Variants in SIL1 observed in about 807,000 individuals in gnomAD.
The protein encoded by SIL1 is SIL1 nucleotide exchange factor, also known as nucleotide exchange factor SIL1.
A neutral mutation model predicts 49.1 loss-of-function variants in SIL1; 40 were observed. That is an observed-to-expected ratio of 0.81 (90% CI 0.63 to 1.06). The LOEUF (loss-of-function observed/expected upper bound fraction) is 1.06, where lower values mean the gene tolerates loss of function less well. Ranked by LOEUF, SIL1 falls within the 50% of genes least tolerant of loss-of-function variation. The pLI is 0.00. For synonymous variants in SIL1, 253 were observed against 250.8 expected (o/e 1.01, Z -0.08); for missense variants, 500 against 572.6 (o/e 0.87, Z 1.29).
At chr5:139,066,673 G>A (rs545639521) in intron 3 of SIL1, among the ~76,000 whole-genome samples, 2 of 152,154 alleles carry the variant, frequency 1.3e-5, no homozygotes, top group Non-Finnish European at 2.9e-5. Context: ...AATTAAAAGT[G>A]AGACATGGCC....
chr5:138,960,493 G>T (rs111368115), intron 7 of SIL1, among the ~76,000 whole-genome samples: 116 of 143,146 alleles, frequency 8.1e-4, no homozygotes, highest in African/African-American at 3.0e-3. Flanking sequence ...CGCAATCTAA[G>T]CTCACTGCAA....
chr5:139,028,281 C>T (rs1036984494), intron 5 of SIL1, among the ~76,000 whole-genome samples: 3 of 151,918 alleles, frequency 2.0e-5, no homozygotes, highest in African/African-American at 7.3e-5. Flanking sequence ...AGGCAGATCA[C>T]GAGGTCAGGA....
Position 139,168,052 on chromosome 5 carries a change from A to T in SIL1, c.-11+30217T>A, listed in dbSNP as rs573294470. Among the ~76,000 whole-genome samples the T allele has an allele frequency of 1.4e-4, 22 of 152,332 alleles. No individual in the cohort carries two copies. In the South Asian group the frequency reaches 3.7e-3, roughly 26 times the overall value. Reference sequence around the variant, plus strand: ...ATGTTTAGAAATGTTTAGGTACATAAATGCTTACCATTGTGTTACAATTGT... The same window carrying T: ...ATGTTTAGAAATGTTTAGGTACATATATGCTTACCATTGTGTTACAATTGT... On this transcript the variant is annotated intron_variant, in intron 1 of 9. Transcript: ENST00000394817.
chr5:139,173,790 CAA>C (rs70982756), intron 1 of SIL1, among the ~76,000 whole-genome samples: 4,473 of 106,338 alleles, frequency 0.042, 136 homozygotes, highest in African/African-American at 0.096. Flanking sequence ...ACTAAAAATA[CAA>C]AAAAAAAAAA....
rs139307919 is a variant in SIL1 at position 138,986,663 on chromosome 5, C to A, written c.767+34508G>T. On this transcript the variant is annotated intron_variant, in intron 7 of 9. Coordinates refer to ENST00000394817, the MANE Select transcript of SIL1 (RefSeq NM_022464.5). ...ATTCAATTAATCATAAAGCCAATTC[C>A]ATTCTAGGCTCCATCTGTCTTGCCT... Among the ~76,000 whole-genome samples the A allele has an allele frequency of 1.7e-4, 26 of 152,282 alleles. No individual in the cohort carries two copies. In the East Asian group the frequency reaches 4.4e-3, roughly 26 times the overall value.
chr5:138,968,127 T>A (rs1767187659), intron 7 of SIL1, among the ~76,000 whole-genome samples: 1 of 151,794 alleles, frequency 6.6e-6, no homozygotes, highest in African/African-American at 2.4e-5. Flanking sequence ...GGGCTGGAGG[T>A]GGGGCAGGTG....
intron 3 of SIL1, among the ~76,000 whole-genome samples, chr5:139,117,671 T>C (rs1346511420): frequency 2.6e-5 from 4 of 152,144 alleles, no homozygotes; most frequent in Non-Finnish European, 5.9e-5. Flanking sequence ...CTCAAATGCT[T>C]GCTGTGCCTC....
chr5:139,141,642 G>A (rs910951857), intron 1 of SIL1, among the ~76,000 whole-genome samples: 11 of 152,118 alleles, frequency 7.2e-5, no homozygotes, highest in Admixed American at 2.6e-4. Context: ...GGGCAATAGC[G>A]AGACCCCTAT....
intron 7 of SIL1, among the ~76,000 whole-genome samples, chr5:139,018,457 C>T (rs1305475411): frequency 1.3e-5 from 2 of 151,594 alleles, no homozygotes; most frequent in Non-Finnish European, 2.9e-5. Flanking sequence ...AGATGTGGTG[C>T]CGCGTACCTG....
At chr5:138,961,547 T>C (rs1401077487) in intron 7 of SIL1, among the ~76,000 whole-genome samples, 1 of 152,034 alleles carries the variant, frequency 6.6e-6, no homozygotes. Context: ...CTCTCAACAG[T>C]AGCTGCACAG....
At chr5:139,132,114 C>A (rs913562916) in intron 1 of SIL1, among the ~76,000 whole-genome samples, 6 of 152,172 alleles carry the variant, frequency 3.9e-5, no homozygotes, top group Non-Finnish European at 8.8e-5. Context: ...AGCTAGGGAT[C>A]AACAACGAAA....
chr5:139,084,839 C>T (rs1385233860), intron 3 of SIL1, among the ~76,000 whole-genome samples: 1 of 152,130 alleles, frequency 6.6e-6, no homozygotes, highest in Non-Finnish European at 1.5e-5. Context: ...GGAATATATT[C>T]TCACACTGTA....
intron 1 of SIL1, among the ~76,000 whole-genome samples, chr5:139,163,597 T>C (rs914854896): frequency 1.3e-5 from 2 of 152,092 alleles, no homozygotes; most frequent in African/African-American, 4.8e-5. Flanking sequence ...GTTGAACTCC[T>C]GGGCTCAAGT....
chr5:138,978,957 T>C (rs571942034), intron 7 of SIL1, among the ~76,000 whole-genome samples: 1 of 152,332 alleles, frequency 6.6e-6, no homozygotes, highest in South Asian at 2.1e-4. Context: ...AGATAAAAAG[T>C]CCCTTACCAG....
At chr5:139,098,669 G>A (rs1770520710) in intron 3 of SIL1, among the ~76,000 whole-genome samples, 2 of 151,954 alleles carry the variant, frequency 1.3e-5, no homozygotes, top group Admixed American at 1.3e-4. Flanking sequence ...CCACAGAATT[G>A]GAGAAAATAT....
intron 1 of SIL1, among the ~76,000 whole-genome samples, chr5:139,156,274 C>T (rs1316669501): frequency 6.6e-6 from 1 of 152,014 alleles, no homozygotes; most frequent in Non-Finnish European, 1.5e-5. Flanking sequence ...TTTTATTTTA[C>T]AGATAAGAAA....
chr5:138,971,004 G>A (rs1767258328), intron 7 of SIL1, among the ~76,000 whole-genome samples: 1 of 152,140 alleles, frequency 6.6e-6, no homozygotes, highest in African/African-American at 2.4e-5. Flanking sequence ...CCAGATGGAA[G>A]TGATACTGTG....
chr5:138,990,921 G>A (rs539431135), intron 7 of SIL1, among the ~76,000 whole-genome samples: 1 of 152,204 alleles, frequency 6.6e-6, no homozygotes, highest in Admixed American at 6.5e-5. Flanking sequence ...TTGCCATGTT[G>A]GCCAGGCTCG....
chr5:139,147,130 G>C (rs1297710446), intron 1 of SIL1, among the ~76,000 whole-genome samples: 2 of 152,322 alleles, frequency 1.3e-5, no homozygotes, highest in Admixed American at 1.3e-4. Flanking sequence ...ATCCAGAAGA[G>C]TGTCACTTGC....
Sources: gnomAD v4.1 joint callset for allele counts (sites outside exome capture counted in the v4.1 genomes callset) on GRCh38, gnomAD v4.1.1 for gene constraint, MANE v1.5 for transcripts, NCBI Gene and HGNC (gene_info 2026-07-23, HGNC 2026-07-21) for gene names.